Variants in DLG2 observed in about 807,000 individuals in gnomAD.
DLG2 encodes discs large MAGUK scaffold protein 2.
Under a neutral mutation model 132.5 loss-of-function variants are expected in DLG2, and 45 were observed. That is an observed-to-expected ratio of 0.34 (90% CI 0.27 to 0.44). The LOEUF (loss-of-function observed/expected upper bound fraction) is 0.44. Ranked by LOEUF, DLG2 falls within the 20% of genes least tolerant of loss-of-function variation. The pLI is 1.00. For synonymous variants in DLG2, 424 were observed against 419.6 expected (o/e 1.01, Z -0.13); for missense variants, 1,045 against 1,196.9 (o/e 0.87, Z 1.87).
chr11:83,922,741 G>A (rs946436901), intron 15 of DLG2, among the ~76,000 whole-genome samples: 4 of 152,122 alleles, frequency 2.6e-5, no homozygotes, highest in Admixed American at 1.3e-4. Context: ...GTGAGAAGAT[G>A]AGCTTGGATG....
intron 6 of DLG2, among the ~76,000 whole-genome samples, chr11:84,770,900 C>A (rs2069250416): frequency 6.6e-6 from 1 of 151,886 alleles, no homozygotes; most frequent in African/African-American, 2.4e-5. Context: ...TGCCTGCCCA[C>A]CTTGGCCTCC....
chr11:84,433,048 G>A (rs1342272017), intron 7 of DLG2, among the ~76,000 whole-genome samples: 1 of 152,058 alleles, frequency 6.6e-6, no homozygotes, highest in Admixed American at 6.6e-5. Flanking sequence ...AGTTTTCCAA[G>A]GTGAGTATGG....
At chr11:85,321,512 A>T (rs2081066140) in intron 3 of DLG2, among the ~76,000 whole-genome samples, 1 of 152,068 alleles carries the variant, frequency 6.6e-6, no homozygotes, top group Admixed American at 6.5e-5. Flanking sequence ...CAGACTAAGG[A>T]TGATAGGGTA....
intron 6 of DLG2, among the ~76,000 whole-genome samples, chr11:84,672,523 A>G (rs1391822541): frequency 6.6e-6 from 1 of 152,138 alleles, no homozygotes; most frequent in African/African-American, 2.4e-5. Flanking sequence ...TCTAATATTC[A>G]CTCATTTCCA....
At chr11:85,466,596 G>A (rs1174723813) in intron 3 of DLG2, among the ~76,000 whole-genome samples, 1 of 152,080 alleles carries the variant, frequency 6.6e-6, no homozygotes, top group Non-Finnish European at 1.5e-5. Context: ...TTTTTGTCAG[G>A]TTTGTCAAAG....
At chr11:85,417,718 T>C (rs2152990140) in intron 3 of DLG2, among the ~76,000 whole-genome samples, 2 of 152,352 alleles carry the variant, frequency 1.3e-5, no homozygotes, top group Non-Finnish European at 2.9e-5. Context: ...CTAGATTTTC[T>C]AGTTTATTTG....
At chr11:85,104,078 T>C (rs1469180777) in intron 6 of DLG2, among the ~76,000 whole-genome samples, 4 of 151,924 alleles carry the variant, frequency 2.6e-5, no homozygotes, top group African/African-American at 9.7e-5. Flanking sequence ...TGTGAAACTG[T>C]AGAAAAATTA....
intron 6 of DLG2, among the ~76,000 whole-genome samples, chr11:84,808,022 T>TA (rs917974787): frequency 3.9e-5 from 6 of 152,064 alleles, no homozygotes; most frequent in Non-Finnish European, 7.4e-5. Context: ...GAATTCTCCA[T>TA]AAAAAACTAG....
At position 85,605,793 on chromosome 11, in the gene DLG2, A is replaced by C. The variant is rs7129448; in HGVS notation, c.-92-7005T>G. Among the ~76,000 whole-genome samples the C allele has an allele frequency of 5.3e-3, 813 of 152,334 alleles. 9 individuals carry two copies. Among genetic ancestry groups the C allele is most frequent in the African/African-American group, 0.018 (756 of 41,574 alleles). ...CAGGAGATCGAGACCAGCCTGACCAACATGGTGAAACCCCGTCTCTACTAA... is the reference window on the plus strand; with the variant it reads ...CAGGAGATCGAGACCAGCCTGACCACCATGGTGAAACCCCGTCTCTACTAA... On this transcript the variant is annotated intron_variant, in intron 2 of 27. Coordinates refer to ENST00000376104, the MANE Select transcript of DLG2 (RefSeq NM_001142699.3).
chr11:85,552,096 A>G (rs903759717), intron 3 of DLG2, among the ~76,000 whole-genome samples: 3 of 131,886 alleles, frequency 2.3e-5, no homozygotes, highest in Non-Finnish European at 4.9e-5. Context: ...GACTTAAAAG[A>G]AAAAAAAAAA....
intron 6 of DLG2, among the ~76,000 whole-genome samples, chr11:84,594,704 T>C (rs771200928): frequency 1.3e-5 from 2 of 152,154 alleles, no homozygotes; most frequent in African/African-American, 2.4e-5. Context: ...GGAAAAGACA[T>C]GCTATATTTG....
intron 19 of DLG2, among the ~76,000 whole-genome samples, chr11:83,608,733 CAG>C (rs35163308): frequency 5.9e-4 from 88 of 148,924 alleles, no homozygotes; most frequent in Admixed American, 8.7e-4. Context: ...CGCACACACA[CAG>C]AGAGAGAGAG....
chr11:84,124,641 C>T (rs1040523542), intron 9 of DLG2, among the ~76,000 whole-genome samples: 3 of 152,090 alleles, frequency 2.0e-5, no homozygotes, highest in Non-Finnish European at 2.9e-5. Context: ...AGCAGTCCCA[C>T]ACGGTACATG....
rs551727599 is a variant in DLG2, at chr11:85,275,894, T to C, written c.186+9326A>G. On this transcript the variant is annotated intron_variant, in intron 4 of 27. Coordinates refer to ENST00000376104, the MANE Select transcript of DLG2 (RefSeq NM_001142699.3). ...AATAACTATAACACAATGTAGAAAA[T>C]ACGAAGCTCCCCAAGGGAAAAAAAA... Among the ~76,000 whole-genome samples the C allele has an allele frequency of 4.0e-5, 6 of 151,478 alleles. No individual in the cohort carries two copies. In the South Asian group the frequency reaches 1.0e-3, roughly 26 times the overall value.
intron 8 of DLG2, among the ~76,000 whole-genome samples, chr11:84,180,281 TA>T (rs2096080934): frequency 6.6e-6 from 1 of 152,068 alleles, no homozygotes; most frequent in Non-Finnish European, 1.5e-5. Context: ...AAGAATCCCT[TA>T]GTTTGAGGAT....
intron 6 of DLG2, among the ~76,000 whole-genome samples, chr11:84,644,101 C>T (rs987222149): frequency 5.9e-5 from 9 of 152,060 alleles, no homozygotes; most frequent in African/African-American, 1.7e-4. Flanking sequence ...AATACGTGGC[C>T]GTCTATACAT....
chr11:83,563,658 G>C (rs139600820), intron 19 of DLG2, among the ~76,000 whole-genome samples: 1 of 152,138 alleles, frequency 6.6e-6, no homozygotes, highest in Admixed American at 6.5e-5. Context: ...GTTCTCAAGA[G>C]AGAATTCAAG....
At chr11:83,471,046 G>A (rs1325037560) in intron 24 of DLG2, among the ~76,000 whole-genome samples, 2 of 152,074 alleles carry the variant, frequency 1.3e-5, no homozygotes, top group African/African-American at 2.4e-5. Context: ...GCTACAATCA[G>A]AGGGACCAGA....
At chr11:84,595,305 G>A (rs958552257) in intron 6 of DLG2, among the ~76,000 whole-genome samples, 1 of 151,892 alleles carries the variant, frequency 6.6e-6, no homozygotes, top group East Asian at 1.9e-4. Context: ...GAGAGATAGG[G>A]TTTTGCTATG....
Sources: allele counts gnomAD v4.1 joint callset (sites outside exome capture counted in the v4.1 genomes callset), GRCh38; gene constraint gnomAD v4.1.1; transcripts MANE v1.5; gene names NCBI Gene and HGNC (gene_info 2026-07-23, HGNC 2026-07-21).